RIMBP2: variants seen among roughly 807,000 people sequenced by gnomAD.
RIMBP2 encodes the protein RIMS-binding protein 2.
RIMBP2 carries 48 observed loss-of-function variants against 118.6 expected under a neutral mutation model. The ratio of observed to expected loss-of-function variants is 0.40; its 90% confidence interval spans 0.32 to 0.51. The LOEUF is 0.51. RIMBP2 is among the 20% of genes least tolerant of loss of function. The probability of loss-of-function intolerance (pLI) is 0.41; values close to 1 mark genes in which losing one functional copy is unlikely to be tolerated. For synonymous variants in RIMBP2, 762 were observed against 742.9 expected (o/e 1.03, Z -0.42); for missense variants, 1,551 against 1,768.3 (o/e 0.88, Z 2.20).
In RIMBP2 at chr12:130,476,813, G is replaced by A. The variant is rs143685438; in HGVS notation, c.102+2099C>T. On this transcript the variant is annotated intron_variant, in intron 5 of 22. Coordinates refer to ENST00000690449, the MANE Select transcript of RIMBP2 (RefSeq NM_001393629.1). ...TTTTTTAGCCTGGGAGGGCAGAGCC[G>A]TGTCCCACTCGCAGCTGTGTTCCTG... Among the ~76,000 whole-genome samples, 520 of 152,284 alleles carry A rather than the reference G, an allele frequency of 3.4e-3. 2 individuals are homozygous for A. The highest frequency in any genetic ancestry group is 0.012 in the African/African-American group (485 of 41,534).
At chr12:130,552,899 T>C (rs2055949291) in intron 2 of RIMBP2, among the ~76,000 whole-genome samples, 1 of 152,070 alleles carries the variant, frequency 6.6e-6, no homozygotes, top group African/African-American at 2.4e-5. Flanking sequence ...ACACCTATAA[T>C]CCCAGCACTT....
chr12:130,439,598 GGT>G (rs1214842618), intron 11 of RIMBP2, among the ~76,000 whole-genome samples: 1 of 89,108 alleles, frequency 1.1e-5, no homozygotes, highest in African/African-American at 4.6e-5. Context: ...TGTGTGTGGG[GGT>G]GTGTTTTTGT....
At chr12:130,439,065 G>A (rs931365291) in intron 11 of RIMBP2, among the ~76,000 whole-genome samples, 4 of 150,472 alleles carry the variant, frequency 2.7e-5, no homozygotes, top group Admixed American at 6.7e-5. Context: ...CCATGAAACT[G>A]AGCAAAACTG....
intron 2 of RIMBP2, among the ~76,000 whole-genome samples, chr12:130,547,192 G>A (rs535152284): frequency 3.9e-5 from 6 of 152,278 alleles, no homozygotes; most frequent in Admixed American, 1.3e-4. Flanking sequence ...GCTCAAGACA[G>A]TTAGGGCTCT....
chr12:130,493,638 A>G (rs1003045540), intron 4 of RIMBP2, among the ~76,000 whole-genome samples: 1 of 152,126 alleles, frequency 6.6e-6, no homozygotes, highest in Non-Finnish European at 1.5e-5. Context: ...TAATGTCTCC[A>G]TGGAGTGCTG....
chr12:130,644,594 A>T (rs2062765980), intron 1 of RIMBP2, among the ~76,000 whole-genome samples: 1 of 152,194 alleles, frequency 6.6e-6, no homozygotes, highest in African/African-American at 2.4e-5. Flanking sequence ...CCTGCGTCTA[A>T]GCCCAGTGTC....
At chr12:130,408,413 G>A (rs2075384193) in intron 19 of RIMBP2, among the ~76,000 whole-genome samples, 1 of 152,186 alleles carries the variant, frequency 6.6e-6, no homozygotes, top group Admixed American at 6.5e-5. Context: ...TTCCATTGTG[G>A]TTTAGCAGCG....
intron 2 of RIMBP2, among the ~76,000 whole-genome samples, chr12:130,535,832 G>A (rs543108704): frequency 1.5e-4 from 22 of 150,230 alleles, no homozygotes; most frequent in Non-Finnish European, 2.8e-4. Flanking sequence ...AGGCTGGAGT[G>A]CAGTGGTACA....
At chr12:130,454,168 T>G (rs2079224265) in intron 7 of RIMBP2, among the ~76,000 whole-genome samples, 1 of 152,212 alleles carries the variant, frequency 6.6e-6, no homozygotes, top group Non-Finnish European at 1.5e-5. Context: ...AGGATGTGGA[T>G]AGGAGGTGGT....
chr12:130,646,065 GCCTCT>G (rs2062875087), intron 1 of RIMBP2, among the ~76,000 whole-genome samples: 2 of 79,706 alleles, frequency 2.5e-5, no homozygotes, highest in Non-Finnish European at 5.2e-5. Flanking sequence ...CTCACCACCT[GCCTCT>G]CCACCTCCCT....
At chr12:130,691,858 G>A (rs1380044404) in intron 1 of RIMBP2, among the ~76,000 whole-genome samples, 1 of 152,194 alleles carries the variant, frequency 6.6e-6, no homozygotes, top group Non-Finnish European at 1.5e-5. Context: ...GGCTTCCTGA[G>A]GGTGTGGACT....
intron 1 of RIMBP2, among the ~76,000 whole-genome samples, chr12:130,695,294 G>A (rs2065512853): frequency 6.6e-6 from 1 of 152,130 alleles, no homozygotes; most frequent in South Asian, 2.1e-4. Flanking sequence ...ACGCGAGCCA[G>A]GAGGACCACG....
chr12:130,471,717 G>T (rs1481615388), intron 5 of RIMBP2: 1 of 152,396 alleles, frequency 6.6e-6, no homozygotes, highest in African/African-American at 2.4e-5. Flanking sequence ...CCCCCCAGAT[G>T]CTCCTGCTGC....
intron 1 of RIMBP2, among the ~76,000 whole-genome samples, chr12:130,698,276 G>A (rs1386476617): frequency 2.0e-5 from 3 of 152,106 alleles, no homozygotes; most frequent in African/African-American, 7.2e-5. Flanking sequence ...CACAGAACCC[G>A]CCTCCATCTG....
At chr12:130,507,250 G>C (rs906938230) in intron 3 of RIMBP2, among the ~76,000 whole-genome samples, 3 of 152,202 alleles carry the variant, frequency 2.0e-5, no homozygotes, top group African/African-American at 7.2e-5. Flanking sequence ...TCTGAGAACA[G>C]AGCCAATGAG....
intron 2 of RIMBP2, among the ~76,000 whole-genome samples, chr12:130,612,715 T>C (rs1324109041): frequency 4.6e-5 from 7 of 152,178 alleles, no homozygotes; most frequent in Admixed American, 4.6e-4. Flanking sequence ...CTTAAACAAC[T>C]GGCTTCCCCA....
rs545261477 is a variant in RIMBP2, at chr12:130,610,722, G to A, written c.-217+17600C>T. The stretch of plus-strand genomic sequence containing the variant: ...ACTACAGGCGCCCGCTACCACGCCC[G>A]GCTAATTTTTTGTATTTTTAGTAGA... On this transcript the variant is annotated intron_variant, in intron 2 of 22. Transcript: ENST00000690449. 2.5e-4 allele frequency among the ~76,000 whole-genome samples: 38 copies of A among 151,326 alleles called. No individual in the cohort carries two copies. The East Asian group carries it at 2.5e-3, about 10-fold the overall frequency.
intron 1 of RIMBP2, among the ~76,000 whole-genome samples, chr12:130,662,580 C>T (rs576980651): frequency 1.6e-4 from 24 of 152,036 alleles, no homozygotes; most frequent in South Asian, 6.2e-4. Flanking sequence ...CACTGGAACC[C>T]GGAAGGTGGA....
chr12:130,664,409 A>ACACACACGCACGCACGCG lies in RIMBP2; in HGVS notation c.-351-35954_-351-35953insCGCGTGCGTGCGTGTGTG, dbSNP rs1555320859. On this transcript the variant is annotated intron_variant, in intron 1 of 22. Coordinates refer to ENST00000690449, the MANE Select transcript of RIMBP2 (RefSeq NM_001393629.1). The stretch of plus-strand genomic sequence containing the variant: ...CGCATGCACACACACGCACGCACGC[A>ACACACACGCACGCACGCG]CGCACACACACGCACACACATGCAT... Among the ~76,000 whole-genome samples, 6 of 97,772 alleles carry ACACACACGCACGCACGCG rather than the reference A, an allele frequency of 6.1e-5. No individual in the cohort carries two copies. In the South Asian group the frequency reaches 2.0e-3, roughly 33 times the overall value. 64.1% of individuals were successfully genotyped at this position (97,772 alleles called of 152,430 possible). A position where few individuals can be genotyped will look rare whatever the true frequency, so the allele number is the denominator to read the frequency against.
Sources: gnomAD v4.1 joint callset for allele counts (sites outside exome capture counted in the v4.1 genomes callset) on GRCh38, gnomAD v4.1.1 for gene constraint, MANE v1.5 for transcripts, NCBI Gene and HGNC (gene_info 2026-07-23, HGNC 2026-07-21) for gene names.